RAP1A: variants seen among roughly 807,000 people sequenced by gnomAD.
RAP1A encodes ras-related protein Rap-1A.
In RAP1A, 6 loss-of-function variants were observed where a neutral mutation model predicts 26.4. The ratio of observed to expected loss-of-function variants is 0.23; its 90% CI spans 0.12 to 0.45. The LOEUF (loss-of-function observed/expected upper bound fraction) is 0.45, where lower values mean the gene tolerates loss of function less well. RAP1A is among the 20% of genes least tolerant of loss of function. RAP1A has a pLI of 0.99. For synonymous variants in RAP1A, 73 were observed against 79.4 expected (o/e 0.92, Z 0.43); for missense variants, 121 against 217.2 (o/e 0.56, Z 2.78).
chr1:111,601,554 A>C (rs1280680952), intron 1 of RAP1A, among the ~76,000 whole-genome samples: 1 of 152,220 alleles, frequency 6.6e-6, no homozygotes, highest in African/African-American at 2.4e-5. Context: ...AGAAATGGAA[A>C]ATGAGAAAAA....
chr1:111,655,981 G>C (rs551957763), intron 1 of RAP1A, among the ~76,000 whole-genome samples: 1 of 151,964 alleles, frequency 6.6e-6, no homozygotes, highest in Non-Finnish European at 1.5e-5. Flanking sequence ...GAGCCACCGC[G>C]CCCGGCCTCC....
intron 1 of RAP1A, among the ~76,000 whole-genome samples, chr1:111,611,505 T>C (rs947651476): frequency 2.0e-5 from 3 of 152,268 alleles, no homozygotes; most frequent in Admixed American, 6.5e-5. Flanking sequence ...AGTAATTTGC[T>C]TAATGAATAA....
chr1:111,654,863 C>G (rs1660399145), intron 1 of RAP1A, among the ~76,000 whole-genome samples: 1 of 150,948 alleles, frequency 6.6e-6, no homozygotes, highest in African/African-American at 2.4e-5. Context: ...TATTAGCCTT[C>G]TAAACTTTGA....
intron 5 of RAP1A, 108 bp downstream of exon 5, chr1:111,703,584 C>G (rs1367183025): frequency 9.3e-7 from 1 of 1,069,968 alleles, no homozygotes; most frequent in Non-Finnish European, 1.3e-6. Flanking sequence ...CTACCACATG[C>G]CTGAAAGAGC....
chr1:111,654,157 C>A (rs1239940869), intron 1 of RAP1A, among the ~76,000 whole-genome samples: 1 of 152,174 alleles, frequency 6.6e-6, no homozygotes, highest in African/African-American at 2.4e-5. Flanking sequence ...AAGGACTCTC[C>A]GCCATGGTAT....
intron 6 of RAP1A, 111 bp from the exon 7 acceptor site, chr1:111,709,038 A>T (rs758280800): frequency 7.4e-7 from 1 of 1,345,316 alleles, no homozygotes; most frequent in Non-Finnish European, 9.7e-7. Context: ...ACTTTAAAAG[A>T]AAGAAGCAGA....
At chr1:111,549,514 G>C (rs561809135) in intron 1 of RAP1A, among the ~76,000 whole-genome samples, 93 of 151,972 alleles carry the variant, frequency 6.1e-4, no homozygotes, top group Non-Finnish European at 1.2e-3. Flanking sequence ...ACCTGGTGTG[G>C]TGGCATGCGC....
intron 1 of RAP1A, among the ~76,000 whole-genome samples, chr1:111,628,740 T>C (rs1659476496): frequency 6.6e-6 from 1 of 152,142 alleles, no homozygotes; most frequent in Non-Finnish European, 1.5e-5. Flanking sequence ...TGTGAAGATC[T>C]GTACAACCAA....
At chr1:111,684,093 C>A (rs1286361193) in intron 1 of RAP1A, among the ~76,000 whole-genome samples, 7 of 152,126 alleles carry the variant, frequency 4.6e-5, no homozygotes, top group Admixed American at 4.6e-4. Context: ...TGGAAAAGGC[C>A]TTTGATAAAA....
chr1:111,704,974 C>T (rs1404220212), intron 6 of RAP1A, among the ~76,000 whole-genome samples: 1 of 151,828 alleles, frequency 6.6e-6, no homozygotes, highest in African/African-American at 2.4e-5. Flanking sequence ...TCACTCAGTC[C>T]TTTAGGCCTG....
intron 1 of RAP1A, among the ~76,000 whole-genome samples, chr1:111,632,225 CTTT>C (rs11314521): frequency 1.6e-4 from 23 of 145,842 alleles, no homozygotes; most frequent in South Asian, 2.2e-4. Context: ...TAAATGAGGG[CTTT>C]TTTTTTTTTT....
chr1:111,543,534 GTGT>G (rs1285601020), intron 1 of RAP1A, among the ~76,000 whole-genome samples: 1 of 152,090 alleles, frequency 6.6e-6, no homozygotes, highest in Admixed American at 6.6e-5. Context: ...TCCTTTCTGG[GTGT>G]CTTAATGCTT....
intron 1 of RAP1A, among the ~76,000 whole-genome samples, chr1:111,668,504 CTAAAG>C (rs1049113997): frequency 1.2e-4 from 18 of 152,240 alleles, no homozygotes; most frequent in African/African-American, 4.1e-4. Flanking sequence ...CACAAAAACT[CTAAAG>C]TAGGGTTTAT....
chr1:111,620,903 A>G (rs1188431686), intron 1 of RAP1A, among the ~76,000 whole-genome samples: 3 of 152,180 alleles, frequency 2.0e-5, no homozygotes, highest in East Asian at 3.8e-4. Flanking sequence ...ACAAAATGGG[A>G]TCTCCTCTTA....
chr1:111,603,331 G>A (rs1247150552), intron 1 of RAP1A, among the ~76,000 whole-genome samples: 2 of 152,202 alleles, frequency 1.3e-5, no homozygotes, highest in Non-Finnish European at 2.9e-5. Flanking sequence ...CAGTTGCCCA[G>A]TATGTGGGAA....
intron 1 of RAP1A, among the ~76,000 whole-genome samples, chr1:111,685,222 T>G (rs1661432043): frequency 6.6e-6 from 1 of 152,110 alleles, no homozygotes; most frequent in Admixed American, 6.5e-5. Context: ...GGGCAAAGTC[T>G]TCATGGCTAA....
Position 111,585,013 on chromosome 1 carries a change from C to A in RAP1A, c.-28+42504C>A, listed in dbSNP as rs1658335031. On this transcript the variant is annotated intron_variant, in intron 1 of 7. Transcript: ENST00000356415. ...TACTAATATTAGGAGCCGCAGATGG[C>A]AAATCAATAGAATGTTTCTATGATA... Among the ~76,000 whole-genome samples the A allele has an allele frequency of 2.0e-5, 3 of 152,148 alleles. No homozygotes were observed. The South Asian group carries it at 6.2e-4, about 32-fold the overall frequency.
At chr1:111,688,143 A>G (rs1053352855) in intron 1 of RAP1A, among the ~76,000 whole-genome samples, 4 of 133,530 alleles carry the variant, frequency 3.0e-5, no homozygotes, top group Non-Finnish European at 6.3e-5. Context: ...AAGGTCTGGG[A>G]AAAATCTTTT....
At chr1:111,665,979 C>A (rs1250975541) in intron 1 of RAP1A, among the ~76,000 whole-genome samples, 1 of 152,150 alleles carries the variant, frequency 6.6e-6, no homozygotes, top group East Asian at 1.9e-4. Flanking sequence ...ATTTTCATTT[C>A]ATTTGTTTCT....
Sources: allele counts gnomAD v4.1 joint callset (sites outside exome capture counted in the v4.1 genomes callset), GRCh38; gene constraint gnomAD v4.1.1; transcripts MANE v1.5; gene names NCBI Gene and HGNC (gene_info 2026-07-23, HGNC 2026-07-21).